CBLC: variants seen among roughly 807,000 people sequenced by gnomAD.
CBLC encodes the protein E3 ubiquitin-protein ligase CBL-C.
CBLC carries 46 observed loss-of-function variants against 58.6 expected under a neutral mutation model. The observed-to-expected ratio is 0.79, with a 90% CI of 0.62 to 1.00. CBLC has a LOEUF of 1.00. Ranked by LOEUF, CBLC falls within the 50% of genes least tolerant of loss-of-function variation. The pLI is 0.00. For synonymous variants in CBLC, 271 were observed against 264.2 expected (o/e 1.03, Z -0.25); for missense variants, 655 against 625.8 (o/e 1.05, Z -0.50).
rs552712848 is a variant in CBLC at position 44,783,018 on chromosome 19, C to T, written c.779+527C>T. On this transcript the variant is annotated intron_variant, in intron 4 of 10. Coordinates refer to ENST00000647358, the MANE Select transcript of CBLC (RefSeq NM_012116.4). ...GGACGGTGAGTGCGTTAGCATTCTT[C>T]CAGTTACACTTCAAACTTATTTAAG... Among the ~76,000 whole-genome samples the T allele has an allele frequency of 1.4e-3, 209 of 152,164 alleles. 1 individual carries two copies. Among genetic ancestry groups the T allele is most frequent in the South Asian group, 8.5e-3 (41 of 4,820 alleles).
chr19:44,778,027 C>T lies in CBLC; in HGVS notation c.96C>T (p.Cys32=). Residue 32 remains cysteine (C), a synonymous_variant, in exon 1 of 11, where the codon TGC becomes TGT. Coordinates refer to ENST00000647358, the MANE Select transcript of CBLC (RefSeq NM_012116.4). The part of the protein sequence containing the change: ...VRMLQRLEEQ[C]VDPRLSVSPP... ...TGCTGCAGCGCCTAGAAGAGCAATG[C>T]GTCGACCCCCGGCTGTCCGTGAGTC... 6.2e-7 allele frequency: 1 copy of T among 1,609,388 alleles called. No individual in the cohort carries two copies. Among genetic ancestry groups the T allele is most frequent in the Non-Finnish European group, 8.5e-7 (1 of 1,179,620 alleles).
intron 3 of CBLC, among the ~76,000 whole-genome samples, chr19:44,781,917 C>T: frequency 1.1e-5 from 1 of 94,716 alleles, no homozygotes; most frequent in Non-Finnish European, 2.0e-5. Context: ...ATTCCTGGGT[C>T]TGAGGGAGGA....
At chr19:44,796,007 G>A (rs1332010437) in intron 9 of CBLC, among the ~76,000 whole-genome samples, 1 of 152,096 alleles carries the variant, frequency 6.6e-6, no homozygotes. Context: ...CTGAGTTCAG[G>A]AGTTCGAGAC....
At chr19:44,785,887 A>G (rs1340930479) in intron 5 of CBLC, among the ~76,000 whole-genome samples, 1 of 151,990 alleles carries the variant, frequency 6.6e-6, no homozygotes, top group East Asian at 1.9e-4. Flanking sequence ...GTGAGCTGAT[A>G]TCACGCCACT....
intron 5 of CBLC, among the ~76,000 whole-genome samples, chr19:44,784,602 G>A (rs1457753727): frequency 2.0e-5 from 3 of 152,222 alleles, no homozygotes; most frequent in African/African-American, 7.2e-5. Flanking sequence ...GTCGCACAAA[G>A]TGGCCATAGA....
chr19:44,792,426 T>C lies in CBLC; in HGVS notation c.1049T>C (p.Leu350Pro), dbSNP rs759463367. Residue 350 changes from leucine to proline, a missense_variant, in exon 7 of 11, where the codon CTC becomes CCC. Leu to Pro is a moderately conservative substitution (Grantham distance 98). This residue lies in a region of CBLC where 371 missense variants were observed against 370.8 expected (regional missense o/e 1.00). Transcript: ENST00000647358. ...LYWAMDSTFE[L>P]CKICAESNKD... is the part of the protein sequence containing the mutation. ...TGGGCCATGGACTCCACATTTGAGCTCTGCAAGATCTGTGCTGAGAGCAAC... is the reference window on the plus strand; with the variant it reads ...TGGGCCATGGACTCCACATTTGAGCCCTGCAAGATCTGTGCTGAGAGCAAC... 1 of 1,613,702 alleles carries C rather than the reference T, an allele frequency of 6.2e-7. No individual in the cohort carries two copies. Among genetic ancestry groups the C allele is most frequent in the Admixed American group, 1.7e-5 (1 of 60,002 alleles).
chr19:44,791,212 G>A (rs1453627396), intron 6 of CBLC, among the ~76,000 whole-genome samples: 4 of 151,450 alleles, frequency 2.6e-5, no homozygotes, highest in East Asian at 3.9e-4. Flanking sequence ...AGGCTGAGGC[G>A]GGTGGATCAC....
chr19:44,800,015 C>T (rs941796177), intron 9 of CBLC, among the ~76,000 whole-genome samples: 7 of 152,134 alleles, frequency 4.6e-5, no homozygotes, highest in South Asian at 2.1e-4. Flanking sequence ...TCATCCTACA[C>T]GAGTTAGAGG....
rs146735092 is a variant in CBLC, at chr19:44,793,495, C to A, written c.1159C>A (p.Pro387Thr). 5.6e-6 allele frequency: 9 copies of A among 1,612,036 alleles called. No individual in the cohort carries two copies. Among genetic ancestry groups the A allele is most frequent in the Non-Finnish European group, 7.6e-6 (9 of 1,179,236 alleles). ...CCAGCACTCGGACAGCCAGACCTGCCCCTTCTGCCGCTGCGAGATCAAGGG... is the reference window on the plus strand; with the variant it reads ...CCAGCACTCGGACAGCCAGACCTGCACCTTCTGCCGCTGCGAGATCAAGGG... ...AWQHSDSQTC[P>T]FCRCEIKGWE... Residue 387 changes from proline to threonine, a missense_variant, in exon 8 of 11, where the codon CCC (proline) becomes ACC (threonine). Coordinates refer to ENST00000647358, the MANE Select transcript of CBLC (RefSeq NM_012116.4).
intron 9 of CBLC, 33 bp from the exon 10 acceptor site, chr19:44,800,348 A>T: frequency 6.7e-7 from 1 of 1,488,880 alleles, no homozygotes; most frequent in Non-Finnish European, 9.4e-7. Flanking sequence ...GATGCCGGGA[A>T]TCAACCGCCC....
At chr19:44,794,079 C>T (rs959851886) in intron 8 of CBLC, 125 bp from the exon 9 acceptor site, 2 of 1,466,628 alleles carry the variant, frequency 1.4e-6, no homozygotes, top group Non-Finnish European at 1.8e-6. Flanking sequence ...CATACGTTGT[C>T]TTGGTCTCTG....
intron 1 of CBLC, among the ~76,000 whole-genome samples, chr19:44,779,190 T>C (rs1322106116): frequency 6.6e-6 from 1 of 152,190 alleles, no homozygotes; most frequent in Non-Finnish European, 1.5e-5. Flanking sequence ...CTGGTCTGGC[T>C]GGGTACGGTG....
In CBLC at chr19:44,778,278, G is replaced by T; in HGVS notation, c.347G>T (p.Arg116Ile). The stretch of plus-strand genomic sequence containing the variant: ...GACGAGCTCTTCCGGGCGGGCTCCA[G>T]ACTCAGGTGAGCCTTCGCCCCAGAA... ...ANDELFRAGS[R>I]LRRQLAKLAI... Residue 116 changes from arginine to isoleucine, a missense_variant, in exon 1 of 11, where the codon AGA (arginine) becomes ATA (isoleucine). By Grantham distance (97) the Arg-to-Ile change is moderately conservative. Coordinates refer to ENST00000647358, the MANE Select transcript of CBLC (RefSeq NM_012116.4). The T allele has an allele frequency of 1.4e-6, 2 of 1,436,304 alleles. No individual in the cohort carries two copies. 89.0% of individuals were successfully genotyped at this position (1,436,304 alleles called of 1,614,324 possible).
chr19:44,795,772 C>A (rs1330080038), intron 9 of CBLC, among the ~76,000 whole-genome samples: 1 of 152,162 alleles, frequency 6.6e-6, no homozygotes, highest in Non-Finnish European at 1.5e-5. Context: ...TTGCAACCTT[C>A]CTGCAGGTCA....
At chr19:44,785,011 G>C (rs140211768) in intron 5 of CBLC, among the ~76,000 whole-genome samples, 1 of 114,036 alleles carries the variant, frequency 8.8e-6, no homozygotes, top group East Asian at 2.7e-4. Flanking sequence ...TTGCTCTGTC[G>C]CCCTGACTGG....
intron 9 of CBLC, among the ~76,000 whole-genome samples, chr19:44,794,789 G>C (rs1229985996): frequency 4.0e-5 from 6 of 151,754 alleles, no homozygotes; most frequent in Non-Finnish European, 7.4e-5. Flanking sequence ...TCTCCTTCCA[G>C]CATCCCAGAT....
chr19:44,799,521 A>G (rs111794050), intron 9 of CBLC, among the ~76,000 whole-genome samples: 13,235 of 152,064 alleles, frequency 0.087, 1,030 homozygotes, highest in African/African-American at 0.21. Context: ...TCATAGAGAC[A>G]GGGTTTCACC....
chr19:44,784,893 G>T (rs560994457), intron 5 of CBLC, among the ~76,000 whole-genome samples: 4 of 138,194 alleles, frequency 2.9e-5, no homozygotes, highest in African/African-American at 1.1e-4. Flanking sequence ...ATGAGATCCT[G>T]CTCTAGAATC....
Position 44,794,519 on chromosome 19 carries a change from C to T in CBLC, c.1362+238C>T, listed in dbSNP as rs1191305544. 1.1e-4 allele frequency among the ~76,000 whole-genome samples: 15 copies of T among 135,394 alleles called. No individual in the cohort carries two copies. The East Asian group carries it at 2.9e-3, about 27-fold the overall frequency. The allele number at this position is 135,394 out of a possible 152,430, so 88.8% of individuals were successfully genotyped here. ...TTGTTCTGTCGCTCAGGCTGGAGTG[C>T]AGTGGCGCAATCTTGGCTCACTGCA... On this transcript the variant is annotated intron_variant, in intron 9 of 10. Coordinates refer to ENST00000647358, the MANE Select transcript of CBLC (RefSeq NM_012116.4).
Sources: allele counts gnomAD v4.1 joint callset (sites outside exome capture counted in the v4.1 genomes callset), GRCh38; gene constraint gnomAD v4.1.1; regional missense constraint gnomAD v4.1.1; transcripts MANE v1.5; gene names NCBI Gene and HGNC (gene_info 2026-07-23, HGNC 2026-07-21).